The following TAOK2 variants were observed in gnomAD, a reference collection of about 807,000 sequenced individuals.
TAOK2 encodes serine/threonine-protein kinase TAO2.
Under a neutral mutation model 122.5 loss-of-function variants are expected in TAOK2, and 42 were observed. That is an observed-to-expected ratio of 0.34 (90% CI 0.27 to 0.44). The LOEUF (loss-of-function observed/expected upper bound fraction) is 0.44. TAOK2 is among the 20% of genes least tolerant of loss of function. The pLI is 1.00. For missense variants in TAOK2, 1,264 were observed against 1,644.9 expected (o/e 0.77, Z 4.01); for synonymous variants, 704 against 677.6 (o/e 1.04, Z -0.61).
Position 29,981,683 on chromosome 16 carries a change from T to A in TAOK2, c.678T>A (p.Phe226Leu). 6.2e-7 allele frequency: 1 copy of A among 1,614,168 alleles called. No individual in the cohort carries two copies. The highest frequency in any genetic ancestry group is 8.5e-7 in the Non-Finnish European group (1 of 1,180,022). The change falls in exon 9 of 16, where the codon TTT (phenylalanine) becomes TTA (leucine). Residue 226 changes from phenylalanine to leucine, a missense_variant. Transcript: ENST00000308893. ...IELAERKPPL[F>L]NMNAMSALYH... The stretch of plus-strand genomic sequence containing the variant: ...TAGCTGAACGGAAACCACCGCTCTT[T>A]AACATGAATGCGATGAGTGCCTTAT...
At chr16:29,977,980 A>T (rs769811978) in intron 2 of TAOK2, 76 bp downstream of exon 2, 155 of 1,612,228 alleles carry the variant, frequency 9.6e-5, no homozygotes, top group Non-Finnish European at 1.3e-4. Flanking sequence ...CAGCCCTTGC[A>T]CACTACTCCA....
intron 1 of TAOK2, 79 bp from the exon 2 acceptor site, chr16:29,977,659 T>C: frequency 9.0e-6 from 12 of 1,326,398 alleles, no homozygotes; most frequent in Non-Finnish European, 1.2e-5. Context: ...GGGGAGGAGA[T>C]GGCAGAAACT....
downstream of TAOK2, chr16:29,991,441 G>A (rs1200489998): frequency 2.8e-5 from 42 of 1,513,556 alleles, no homozygotes; most frequent in Admixed American, 6.5e-5. This position sits in a 1 kb window ranked among gnomAD's most constrained non-coding sequence, Gnocchi z 5.6. Flanking sequence ...CCCCTGCGGC[G>A]GGCAGCCTCG....
chr16:29,991,538 C>T (rs1596626545), downstream of TAOK2: 1 of 1,484,256 alleles, frequency 6.7e-7, no homozygotes, highest in Non-Finnish European at 8.9e-7. This position sits in a 1 kb window ranked among gnomAD's most constrained non-coding sequence, Gnocchi z 5.6. Flanking sequence ...CTTCCCACAT[C>T]CTCAATGGTT....
At position 29,986,578 on chromosome 16, in the gene TAOK2, C is replaced by T. The variant is rs199554981; in HGVS notation, c.2306C>T (p.Thr769Ile). 1.9e-6 allele frequency: 3 copies of T among 1,613,878 alleles called. No individual in the cohort carries two copies. Among genetic ancestry groups the T allele is most frequent in the South Asian group, 2.2e-5 (2 of 91,012 alleles). ...PGALGPPNTG[T>I]PIEQQPCSPG... ...GCTCTGGGCCCACCCAACACAGGCA[C>T]CCCTATAGAACAGCAGCCCTGCTCA... Residue 769 changes from threonine to isoleucine, a missense_variant, in exon 16 of 16, where the codon ACC becomes ATC. Around this residue, in one of 4 missense-constraint regions of TAOK2, gnomAD observed 824 missense variants for 908.7 expected, o/e 0.91. Coordinates refer to ENST00000308893, the MANE Select transcript of TAOK2 (RefSeq NM_016151.4). This position sits in a 1 kb window ranked among gnomAD's most constrained non-coding sequence, Gnocchi z 4.2.
chr16:29,974,116 G>A lies in TAOK2; in HGVS notation c.-568G>A, dbSNP rs1263712592. On this transcript the variant is annotated 5_prime_UTR_variant, in exon 1 of 16. Transcript: ENST00000308893. ...GGGCCGTGCGGCCGGACGTCCTCGG[G>A]GTGGGCCCCCAGTCGGTGGCCGAAG... The A allele has an allele frequency of 6.6e-6, 1 of 152,262 alleles. No individual in the cohort carries two copies. Among genetic ancestry groups the A allele is most frequent in the South Asian group, 2.1e-4 (1 of 4,840 alleles). 9.4% of individuals were successfully genotyped at this position (152,262 alleles called of 1,614,324 possible). A position where few individuals can be genotyped will look rare whatever the true frequency, so the allele number is the denominator to read the frequency against.
In TAOK2 at chr16:29,983,062, C is replaced by T; in HGVS notation, c.1000-10C>T. ...CCTTCCCTGTCCAGCAGCCTACGCC[C>T]TGTTCGCAGGAGGCCGAGCCCTACA... On this transcript the variant is annotated splice_polypyrimidine_tract_variant and intron_variant, in intron 11 of 15. Transcript: ENST00000308893. The T allele has an allele frequency of 6.2e-7, 1 of 1,613,778 alleles. No individual in the cohort carries two copies. The highest frequency in any genetic ancestry group is 1.3e-5 in the African/African-American group (1 of 75,018).
chr16:29,988,836 G>A (rs1251688795), downstream of TAOK2: 5 of 985,412 alleles, frequency 5.1e-6, no homozygotes, highest in Non-Finnish European at 6.0e-6. Context: ...GAGTATGAAG[G>A]CTGTGGCAGC....
chr16:29,986,169 TC>T lies in TAOK2; in HGVS notation c.1993-95del, dbSNP rs2069784220. ...CTGACCAGGCCCTGGGCCCTGTGTTTCTTCCGCCATCCCCAGCTCCCTCTGC... is the reference window on the plus strand; with the variant it reads ...CTGACCAGGCCCTGGGCCCTGTGTTTTTCCGCCATCCCCAGCTCCCTCTGC... On this transcript the variant is annotated intron_variant, in intron 15 of 15. Transcript: ENST00000308893. This position sits in a 1 kb window ranked among gnomAD's most constrained non-coding sequence, Gnocchi z 4.2. The T allele has an allele frequency of 6.7e-7, 1 of 1,488,084 alleles. No homozygotes were observed. Among genetic ancestry groups the T allele is most frequent in the African/African-American group, 1.4e-5 (1 of 70,940 alleles). 92.2% of individuals were successfully genotyped at this position (1,488,084 alleles called of 1,614,324 possible). A position where few individuals can be genotyped will look rare whatever the true frequency, so the allele number is the denominator to read the frequency against.
At chr16:29,983,358 C>T (rs376543332) in intron 12 of TAOK2, 26 bp downstream of exon 12, 72 of 1,576,102 alleles carry the variant, frequency 4.6e-5, no homozygotes, top group African/African-American at 4.0e-5. Flanking sequence ...TTGGGGGACC[C>T]GAGCCACCTG....
At chr16:29,980,627 C>T in intron 8 of TAOK2, 1 of 152,106 alleles carries the variant, frequency 6.6e-6, no homozygotes, top group Non-Finnish European at 1.5e-5. Context: ...TTGGACGAGC[C>T]CTTCTCCTCC....
Position 29,979,412 on chromosome 16 carries a change from C to G in TAOK2, c.564-5C>G. 2 of 1,593,716 alleles carry G rather than the reference C, an allele frequency of 1.3e-6. No homozygotes were observed. Among genetic ancestry groups the G allele is most frequent in the Non-Finnish European group, 1.7e-6 (2 of 1,167,844 alleles). ...TTTGCCTCTCTCTCCTGACCATTCT[C>G]CTAGGATGGCACCCGAGGTGATCCT... On this transcript the variant is annotated splice_region_variant and splice_polypyrimidine_tract_variant and intron_variant, in intron 7 of 15. Coordinates refer to ENST00000308893, the MANE Select transcript of TAOK2 (RefSeq NM_016151.4). The surrounding 1 kb of genome is among the most constrained non-coding windows in gnomAD (Gnocchi z 4.1).
chr16:29,986,917 A>T lies in TAOK2; in HGVS notation c.2645A>T (p.Asp882Val), dbSNP rs1297610371. 1 of 1,614,026 alleles carries T rather than the reference A, an allele frequency of 6.2e-7. No homozygotes were observed. The highest frequency in any genetic ancestry group is 8.5e-7 in the Non-Finnish European group (1 of 1,179,952). Residue 882 changes from aspartate (D) to valine (V), a missense_variant, in exon 16 of 16, where the codon GAT (aspartate) becomes GTT (valine). By Grantham distance (152) the Asp-to-Val change is radical. Coordinates refer to ENST00000308893, the MANE Select transcript of TAOK2 (RefSeq NM_016151.4). This position sits in a 1 kb window ranked among gnomAD's most constrained non-coding sequence, Gnocchi z 4.2. Reference protein sequence around the residue: ...LWGKEDESLLDEEFELGWVQG... With the variant: ...LWGKEDESLLVEEFELGWVQG... ...GGGAAGGAGGATGAGAGTCTTCTGG[A>T]TGAGGAGTTTGAGCTTGGCTGGGTC...
chr16:29,975,532 C>T (rs566069781), intron 1 of TAOK2, among the ~76,000 whole-genome samples: 4 of 152,310 alleles, frequency 2.6e-5, no homozygotes, highest in South Asian at 2.1e-4. Context: ...GATGAGCTTC[C>T]TTTCCAGGAG....
At position 29,974,036 on chromosome 16, in the gene TAOK2, GGGA is replaced by G. The variant is rs2069376772; in HGVS notation, c.-642_-640del. The G allele has an allele frequency of 6.6e-6, 1 of 152,470 alleles. No individual in the cohort carries two copies. Among genetic ancestry groups the G allele is most frequent in the Non-Finnish European group, 1.5e-5 (1 of 68,152 alleles). 9.4% of individuals were successfully genotyped at this position (152,470 alleles called of 1,614,324 possible). On this transcript the variant is annotated 5_prime_UTR_variant, in exon 1 of 16. Transcript: ENST00000308893. ...CTATTCTCGGAAGAGAGAAGGGAGA[GGGA>G]GGAGGCCGGGGCGGGAGTGGGGGCT...
rs755848031 is a variant in TAOK2, at chr16:29,987,263, G to A, written c.2991G>A (p.Val997=). Residue 997 remains valine, a synonymous_variant, in exon 16 of 16, where the codon GTG becomes GTA. Transcript: ENST00000308893. ...TGCTGGCCCTTGAGGTGGGGCTGGT[G>A]GGTCTGGGGGCCTCCTACCTGCTCC... The part of the protein sequence containing the change: ...AALLALEVGL[V]GLGASYLLLC... 1 of 1,527,724 alleles carries A rather than the reference G, an allele frequency of 6.5e-7. No individual in the cohort carries two copies. Among genetic ancestry groups the A allele is most frequent in the Admixed American group, 2.2e-5 (1 of 44,870 alleles). 94.6% of individuals were successfully genotyped at this position (1,527,724 alleles called of 1,614,324 possible).
At chr16:29,992,065 C>G (rs938343705), downstream of TAOK2, 1 of 151,876 alleles carries the variant, frequency 6.6e-6, no homozygotes, top group Non-Finnish European at 1.5e-5. Context: ...AACTGTCTGA[C>G]GTCCTGTGCC....
chr16:29,991,392 C>T (rs1169067143), downstream of TAOK2: 5 of 1,566,956 alleles, frequency 3.2e-6, no homozygotes, highest in African/African-American at 1.4e-5. This position sits in a 1 kb window ranked among gnomAD's most constrained non-coding sequence, Gnocchi z 5.6. Flanking sequence ...TGGGACACCC[C>T]GTGGCGGAGC....
intron 8 of TAOK2, 28 bp from the exon 9 acceptor site, chr16:29,981,633 C>T (rs759684552): frequency 2.2e-5 from 36 of 1,610,702 alleles, no homozygotes; most frequent in Middle Eastern, 3.3e-4. Flanking sequence ...CCACCTCTCA[C>T]CTTCTTCCCT....
Sources: gnomAD v4.1 joint callset for allele counts (sites outside exome capture counted in the v4.1 genomes callset) on GRCh38, gnomAD v4.1.1 for gene constraint, gnomAD v4.1.1 regional missense constraint, Gnocchi (gnomAD v3.1) non-coding constraint, MANE v1.5 for transcripts, NCBI Gene and HGNC (gene_info 2026-07-23, HGNC 2026-07-21) for gene names.